The following TMEM145 variants were observed in gnomAD, a reference collection of about 807,000 sequenced individuals.
The protein encoded by TMEM145 is transmembrane protein 145.
Under a neutral mutation model 68.5 loss-of-function variants are expected in TMEM145, and 46 were observed. The observed-to-expected ratio is 0.67, with a 90% CI of 0.53 to 0.86. The LOEUF is 0.86. Among genes scored for constraint, TMEM145 ranks in the 40% least tolerant of loss-of-function variants. The pLI, the probability that TMEM145 is intolerant of heterozygous loss-of-function variation, is 0.00. For missense variants in TMEM145, 570 were observed against 645.8 expected (o/e 0.88, Z 1.27); for synonymous variants, 255 against 280.2 (o/e 0.91, Z 0.90).
Position 42,314,528 on chromosome 19 carries a change from G to T in TMEM145, c.273G>T (p.Lys91Asn), listed in dbSNP as rs760092646. ...QWPAVYKAGD[K>N]DCLAKESVIR... The stretch of plus-strand genomic sequence containing the variant: ...CAGCCGTGTACAAGGCAGGGGACAA[G>T]GTGAGGGCTGTGAAGAGGGCATAGG... Residue 91 changes from lysine to asparagine, a missense_variant and splice_region_variant, in exon 3 of 15, where the codon AAG (lysine) becomes AAT (asparagine). Coordinates refer to ENST00000301204, the MANE Select transcript of TMEM145 (RefSeq NM_173633.3). The T allele has an allele frequency of 6.2e-7, 1 of 1,614,224 alleles. No homozygotes were observed. The highest frequency in any genetic ancestry group is 1.7e-5 in the Admixed American group (1 of 60,028).
chr19:42,317,214 T>G (rs761173134), intron 11 of TMEM145, among the ~76,000 whole-genome samples: 17 of 152,168 alleles, frequency 1.1e-4, no homozygotes, highest in Non-Finnish European at 2.2e-4. Context: ...TGACTAAGAG[T>G]TCAGGAGTCA....
In TMEM145 at chr19:42,316,690, C is replaced by T. The variant is rs2038861137; in HGVS notation, c.756C>T (p.Leu252=). Residue 252 remains leucine (L), a synonymous_variant, in exon 10 of 15, where the codon CTC becomes CTT. Transcript: ENST00000301204. ...LAKLLFSSSF[L]IFLLMLILLG... is the part of the protein sequence containing the mutation. Reference sequence around the variant, plus strand: ...AGCTGCTCTTCTCCTCCAGCTTCCTCATCTTCCTGCTGATGCTTATCCTCC... The same window carrying T: ...AGCTGCTCTTCTCCTCCAGCTTCCTTATCTTCCTGCTGATGCTTATCCTCC... 1 of 1,613,468 alleles carries T rather than the reference C, an allele frequency of 6.2e-7. No homozygotes were observed. The highest frequency in any genetic ancestry group is 1.7e-5 in the Admixed American group (1 of 59,998).
In TMEM145 at chr19:42,314,456, G is replaced by A. The variant is rs1198917723; in HGVS notation, c.201G>A (p.Lys67=). Residue 67 remains lysine (K), a synonymous_variant, in exon 3 of 15, where the codon AAG becomes AAA. Transcript: ENST00000301204. ...CCAACATCTCTGGTCTGCAGGCCAA[G>A]TGCTGTCAGAACATCCTCCTCTATT... The part of the protein sequence containing the change: ...LDFRFRYPEA[K]CCQNILLYFD... The A allele has an allele frequency of 1.9e-6, 3 of 1,614,186 alleles. No homozygotes were observed. Among genetic ancestry groups the A allele is most frequent in the Non-Finnish European group, 2.5e-6 (3 of 1,180,024 alleles).
Position 42,320,442 on chromosome 19 carries a change from G to A in TMEM145, c.1194+5G>A. 1 of 1,613,826 alleles carries A rather than the reference G, an allele frequency of 6.2e-7. No homozygotes were observed. The highest frequency in any genetic ancestry group is 8.5e-7 in the Non-Finnish European group (1 of 1,180,014). ...TACGCCCATGGCGTGTTTCTGGTGA[G>A]GATGGGCATCTGTGGGGGGTGGAGG... On this transcript the variant is annotated splice_donor_5th_base_variant and intron_variant, in intron 13 of 14. Transcript: ENST00000301204.
chr19:42,322,487 G>A (rs1403084126), intron 13 of TMEM145, among the ~76,000 whole-genome samples: 3 of 152,110 alleles, frequency 2.0e-5, no homozygotes, highest in African/African-American at 7.2e-5. Flanking sequence ...TCCTAAGGAT[G>A]CTCACGTTAG....
At chr19:42,315,497 C>T in intron 8 of TMEM145, 57 bp downstream of exon 8, 1 of 1,575,256 alleles carries the variant, frequency 6.3e-7, no homozygotes, top group Non-Finnish European at 8.7e-7. Flanking sequence ...TGGGGCCAGA[C>T]ACCTGGGCCT....
chr19:42,324,198 G>T, intron 14 of TMEM145: 1 of 965,192 alleles, frequency 1.0e-6, no homozygotes, highest in Non-Finnish European at 1.2e-6. Context: ...AGGGTTCTCC[G>T]GGGGAGGGGG....
At chr19:42,320,136 T>C (rs1251405309) in intron 12 of TMEM145, among the ~76,000 whole-genome samples, 181 bp from the exon 13 acceptor site, 1 of 152,174 alleles carries the variant, frequency 6.6e-6, no homozygotes, top group Non-Finnish European at 1.5e-5. Flanking sequence ...TTCTTGCCCC[T>C]CAGAATTTCC....
chr19:42,318,195 G>T (rs1016565254), intron 12 of TMEM145, among the ~76,000 whole-genome samples: 1 of 150,746 alleles, frequency 6.6e-6, no homozygotes, highest in South Asian at 2.1e-4. Context: ...GTGAAACCCC[G>T]TCTCTACTAA....
At position 42,316,933 on chromosome 19, in the gene TMEM145, C is replaced by T; in HGVS notation, c.870C>T (p.Thr290=). 2 of 1,613,838 alleles carry T rather than the reference C, an allele frequency of 1.2e-6. No homozygotes were observed. Among genetic ancestry groups the T allele is most frequent in the African/African-American group, 2.7e-5 (2 of 75,050 alleles). Residue 290 remains threonine, a synonymous_variant, in exon 11 of 15, where the codon ACC becomes ACT. Transcript: ENST00000301204. ...TCTACATGACCCTGTACACGCTCAC[C>T]CATGTGGTGCTGCTCATCTACGAGG... is the stretch of plus-strand genomic sequence containing the variant. The part of the protein sequence containing the change: ...LSVYMTLYTL[T]HVVLLIYEAE...
chr19:42,322,061 C>T (rs2038916911), intron 13 of TMEM145, among the ~76,000 whole-genome samples: 1 of 152,196 alleles, frequency 6.6e-6, no homozygotes, highest in African/African-American at 2.4e-5. Context: ...AGGCATGACC[C>T]AGTGTCCCAG....
intron 13 of TMEM145, chr19:42,321,547 G>A (rs59870753): frequency 0.014 from 2,370 of 165,088 alleles, 60 homozygotes; most frequent in African/African-American, 0.051. Context: ...CCACCACCAC[G>A]CCTAGCAAAT....
chr19:42,316,142 G>T (rs980961886), intron 8 of TMEM145, among the ~76,000 whole-genome samples: 1 of 151,418 alleles, frequency 6.6e-6, no homozygotes, highest in Non-Finnish European at 1.5e-5. Flanking sequence ...CTGGGGGTCT[G>T]GACCCCTGGG....
intron 5 of TMEM145, 50 bp from the exon 6 acceptor site, chr19:42,314,943 C>G: frequency 6.2e-7 from 1 of 1,613,610 alleles, no homozygotes; most frequent in Non-Finnish European, 8.5e-7. Flanking sequence ...GCCTTCCTGC[C>G]AACCCCCAAC....
chr19:42,320,220 C>G (rs1050609515), intron 12 of TMEM145, 97 bp from the exon 13 acceptor site: 2 of 1,541,224 alleles, frequency 1.3e-6, no homozygotes, highest in African/African-American at 1.4e-5. Flanking sequence ...TGGGACCTGC[C>G]TGGGGTCTGC....
At chr19:42,318,954 C>T (rs1007625410) in intron 12 of TMEM145, among the ~76,000 whole-genome samples, 12 of 151,890 alleles carry the variant, frequency 7.9e-5, no homozygotes, top group African/African-American at 2.9e-4. Flanking sequence ...CATGGTGGTG[C>T]ACGCCTGTAC....
At chr19:42,324,679 C>T in intron 14 of TMEM145, 58 bp from the exon 15 acceptor site, 1 of 736,852 alleles carries the variant, frequency 1.4e-6, no homozygotes, top group Non-Finnish European at 1.8e-6. Flanking sequence ...CGTCCCGCCC[C>T]CCTCCCCTCT....
At chr19:42,323,130 T>C (rs2038926990) in intron 13 of TMEM145, among the ~76,000 whole-genome samples, 1 of 152,228 alleles carries the variant, frequency 6.6e-6, no homozygotes, top group Non-Finnish European at 1.5e-5. Context: ...TGCTGTCCAA[T>C]TGAACTTTCT....
At position 42,315,409 on chromosome 19, in the gene TMEM145, TA is replaced by T. The variant is rs1568546755; in HGVS notation, c.619del (p.Met207CysfsTer8). The T allele has an allele frequency of 6.2e-7, 1 of 1,614,158 alleles. No homozygotes were observed. The highest frequency in any genetic ancestry group is 2.2e-5 in the East Asian group (1 of 44,884). On this transcript the variant is annotated frameshift_variant, in exon 8 of 15. Transcript: ENST00000301204. LOFTEE classifies it high-confidence loss of function. ...GTCGTCAGTTGCTCCACACAACTTA[TA>T]AAATGTTCATGGCCGCAGCAGGAGT... The part of the protein sequence containing the change: ...KGRQLLHTTY[K>X]MFMAAAGVEV...
Sources: allele counts gnomAD v4.1 joint callset (sites outside exome capture counted in the v4.1 genomes callset), GRCh38; gene constraint gnomAD v4.1.1; transcripts MANE v1.5; gene names NCBI Gene and HGNC (gene_info 2026-07-23, HGNC 2026-07-21).